FRAS1: variants seen among roughly 807,000 people sequenced by gnomAD.
The protein encoded by FRAS1 is Fraser extracellular matrix complex subunit 1, also known as extracellular matrix organizing protein FRAS1.
Under a neutral mutation model 435.2 loss-of-function variants are expected in FRAS1, and 290 were observed. The ratio of observed to expected loss-of-function variants is 0.67; its 90% CI spans 0.61 to 0.73. The LOEUF is 0.73. Among genes scored for constraint, FRAS1 ranks in the 30% least tolerant of loss-of-function variants. The pLI, the probability that FRAS1 is intolerant of heterozygous loss-of-function variation, is 0.00. For synonymous variants in FRAS1, 1,800 were observed against 1,851.0 expected (o/e 0.97, Z 0.71); for missense variants, 4,860 against 5,001.5 (o/e 0.97, Z 0.85).
At chr4:78,529,564 A>G (rs902856353) in intron 70 of FRAS1, among the ~76,000 whole-genome samples, 2 of 152,232 alleles carry the variant, frequency 1.3e-5, no homozygotes, top group African/African-American at 4.8e-5. Context: ...GTATACTTCT[A>G]CATGGTTTTG....
At chr4:78,086,380 G>A (rs1394481419) in intron 2 of FRAS1, among the ~76,000 whole-genome samples, 76 of 152,242 alleles carry the variant, frequency 5.0e-4, no homozygotes, top group Non-Finnish European at 2.9e-5. Flanking sequence ...AGAAGCAAGA[G>A]CAAACACATT....
At chr4:78,385,809 C>T (rs1015850923) in intron 28 of FRAS1, among the ~76,000 whole-genome samples, 9 of 151,240 alleles carry the variant, frequency 6.0e-5, no homozygotes, top group African/African-American at 1.5e-4. Context: ...CGCTTGAACC[C>T]GGGAGGCAGA....
intron 2 of FRAS1, among the ~76,000 whole-genome samples, chr4:78,068,311 G>A (rs1375580289): frequency 1.3e-5 from 2 of 152,150 alleles, no homozygotes; most frequent in African/African-American, 4.8e-5. Flanking sequence ...GATAGGGAAG[G>A]CTTCACTGAG....
intron 28 of FRAS1, among the ~76,000 whole-genome samples, chr4:78,385,349 G>A (rs952711668): frequency 4.5e-4 from 68 of 152,138 alleles, no homozygotes; most frequent in African/African-American, 1.5e-3. Context: ...ATGATTCAAG[G>A]AAGGACACTA....
chr4:78,439,561 T>TGG (rs1231709514), intron 40 of FRAS1, among the ~76,000 whole-genome samples: 2 of 152,240 alleles, frequency 1.3e-5, no homozygotes, highest in Non-Finnish European at 2.9e-5. Flanking sequence ...TGAGTGACCT[T>TGG]GGGCCGTACA....
In FRAS1 at chr4:78,265,147, C is replaced by T. The variant is rs376132582; in HGVS notation, c.687+39C>T. On this transcript the variant is annotated intron_variant, in intron 7 of 73. Transcript: ENST00000512123. ...CTCCCCATGTAGGTGTTTTGACATC[C>T]GTTCTCACACATCTGCCCTCCACCC... 1.2e-3 allele frequency: 1,589 copies of T among 1,372,570 alleles called. 1 individual carries two copies. Among genetic ancestry groups the T allele is most frequent in the Non-Finnish European group, 1.5e-3 (1,438 of 975,436 alleles). 85.0% of individuals were successfully genotyped at this position (1,372,570 alleles called of 1,614,324 possible). A position where few individuals can be genotyped will look rare whatever the true frequency, so the allele number is the denominator to read the frequency against.
chr4:78,372,558 G>C (rs1406726138), intron 23 of FRAS1, among the ~76,000 whole-genome samples, 160 bp from the exon 24 acceptor site: 2 of 152,156 alleles, frequency 1.3e-5, no homozygotes, highest in African/African-American at 4.8e-5. Context: ...AAGCATTCAG[G>C]CTACTACAAG....
intron 70 of FRAS1, among the ~76,000 whole-genome samples, chr4:78,527,946 G>A (rs1232616559): frequency 6.6e-6 from 1 of 152,130 alleles, no homozygotes; most frequent in Non-Finnish European, 1.5e-5. Context: ...TCCAGGGCAT[G>A]AGGGAAGGGC....
chr4:78,129,471 T>C lies in FRAS1; in HGVS notation c.108+63455T>C, dbSNP rs546981551. On this transcript the variant is annotated intron_variant, in intron 2 of 73. Transcript: ENST00000512123. ...AATCCATGGGCAATACAGAAACTATTTGAGAAGTGGCCATGGCCCCCTGAT... is the reference window on the plus strand; with the variant it reads ...AATCCATGGGCAATACAGAAACTATCTGAGAAGTGGCCATGGCCCCCTGAT... 1.5e-4 allele frequency among the ~76,000 whole-genome samples: 23 copies of C among 152,246 alleles called. No individual in the cohort carries two copies. The South Asian group carries it at 4.8e-3, about 32-fold the overall frequency.
intron 53 of FRAS1, 114 bp from the exon 54 acceptor site, chr4:78,475,324 C>T: frequency 9.0e-7 from 1 of 1,107,232 alleles, no homozygotes; most frequent in Non-Finnish European, 1.3e-6. Flanking sequence ...ACCAAACTTC[C>T]TCTTCTCTGA....
intron 30 of FRAS1, among the ~76,000 whole-genome samples, chr4:78,406,028 T>C (rs1003389141): frequency 6.6e-6 from 1 of 152,236 alleles, no homozygotes; most frequent in Admixed American, 6.5e-5. Flanking sequence ...TGGTGGTGTT[T>C]AGATTTAGAT....
At chr4:78,217,696 C>G (rs1723828044) in intron 2 of FRAS1, among the ~76,000 whole-genome samples, 1 of 151,978 alleles carries the variant, frequency 6.6e-6, no homozygotes, top group Non-Finnish European at 1.5e-5. Context: ...ATAATTTTCC[C>G]CAGTACTGTG....
intron 51 of FRAS1, among the ~76,000 whole-genome samples, 164 bp from the exon 52 acceptor site, chr4:78,472,016 T>C (rs1444050866): frequency 6.6e-6 from 1 of 152,212 alleles, no homozygotes. Flanking sequence ...GGGCAGAAGC[T>C]GGAATGGTTT....
At chr4:78,477,000 AAAAAC>A (rs1275887932) in intron 54 of FRAS1, among the ~76,000 whole-genome samples, 3 of 151,924 alleles carry the variant, frequency 2.0e-5, no homozygotes, top group Admixed American at 6.5e-5. Context: ...AAAAAAAAAA[AAAAAC>A]AAAGTAAAAC....
At chr4:78,473,955 C>T (rs74406492) in intron 53 of FRAS1, among the ~76,000 whole-genome samples, 3,120 of 152,278 alleles carry the variant, frequency 0.02, 111 homozygotes, top group African/African-American at 0.07. Flanking sequence ...TAACGATGTG[C>T]TCTACTGCTG....
chr4:78,536,184 T>G (rs1006013766), intron 71 of FRAS1, among the ~76,000 whole-genome samples: 1 of 145,898 alleles, frequency 6.9e-6, no homozygotes, highest in African/African-American at 2.6e-5. Context: ...CAGTATTTTG[T>G]ACATGGATTT....
chr4:78,185,094 A>T (rs1437298087), intron 2 of FRAS1, among the ~76,000 whole-genome samples: 1 of 152,230 alleles, frequency 6.6e-6, no homozygotes, highest in African/African-American at 2.4e-5. Flanking sequence ...TGATGCTTCT[A>T]GAAGTATTAT....
At position 78,315,652 on chromosome 4, in the gene FRAS1, T is replaced by A. The variant is rs759628840; in HGVS notation, c.1737T>A (p.Thr579=). The change falls in exon 16 of 74, where the codon ACT becomes ACA. Residue 579 remains threonine (T), a synonymous_variant. Transcript: ENST00000512123. ...GTAGCCCCAGGTGTCTTACCTGTAC[T>A]GAGAAGACAGTGCTGCATGATGGGA... is the stretch of plus-strand genomic sequence containing the variant. The part of the protein sequence containing the change: ...GPSSPRCLTC[T]EKTVLHDGKC... 1 of 1,613,962 alleles carries A rather than the reference T, an allele frequency of 6.2e-7. No individual in the cohort carries two copies. The highest frequency in any genetic ancestry group is 1.1e-5 in the South Asian group (1 of 91,082).
chr4:78,530,262 G>A (rs1721671164), intron 70 of FRAS1, among the ~76,000 whole-genome samples: 1 of 151,984 alleles, frequency 6.6e-6, no homozygotes, highest in Non-Finnish European at 1.5e-5. Flanking sequence ...GGATCAAGGA[G>A]GACACCAACA....
Sources: allele counts gnomAD v4.1 joint callset (sites outside exome capture counted in the v4.1 genomes callset), GRCh38; gene constraint gnomAD v4.1.1; transcripts MANE v1.5; gene names NCBI Gene and HGNC (gene_info 2026-07-23, HGNC 2026-07-21).